Variants in PTPRD observed in about 807,000 individuals in gnomAD.
The protein encoded by PTPRD is receptor-type tyrosine-protein phosphatase delta.
In PTPRD, 34 loss-of-function variants were observed where a neutral mutation model predicts 214.5. That is an observed-to-expected ratio of 0.16 (90% CI 0.12 to 0.21). The LOEUF (loss-of-function observed/expected upper bound fraction) is 0.21. PTPRD is among the 10% of genes least tolerant of loss of function. The pLI, the probability that PTPRD is intolerant of heterozygous loss-of-function variation, is 1.00. For synonymous variants in PTPRD, 1,128 were observed against 845.7 expected (o/e 1.33, Z -5.79); for missense variants, 2,545 against 2,398.7 (o/e 1.06, Z -1.27).
chr9:8,666,583 T>C (rs1199496640), intron 12 of PTPRD, among the ~76,000 whole-genome samples: 1 of 152,196 alleles, frequency 6.6e-6, no homozygotes, highest in Non-Finnish European at 1.5e-5. Flanking sequence ...TTTTTCTCAA[T>C]ATCTAAAAAT....
chr9:10,035,436 A>G (rs1324547567), intron 3 of PTPRD, among the ~76,000 whole-genome samples: 1 of 151,984 alleles, frequency 6.6e-6, no homozygotes, highest in Non-Finnish European at 1.5e-5. Flanking sequence ...CTGTAGTTTA[A>G]TTTGATCTCA....
At chr9:9,392,963 G>A (rs1333869138) in intron 9 of PTPRD, among the ~76,000 whole-genome samples, 2 of 152,152 alleles carry the variant, frequency 1.3e-5, no homozygotes, top group Admixed American at 6.6e-5. Context: ...TGGAGCCATG[G>A]AAATTCCTGT....
chr9:9,470,860 A>T (rs2094538687), intron 8 of PTPRD, among the ~76,000 whole-genome samples: 1 of 152,200 alleles, frequency 6.6e-6, no homozygotes, highest in Non-Finnish European at 1.5e-5. Flanking sequence ...GAGGTTTAAA[A>T]TCAGGCAAGA....
chr9:9,166,456 G>A (rs1405161692), intron 10 of PTPRD, among the ~76,000 whole-genome samples: 1 of 152,030 alleles, frequency 6.6e-6, no homozygotes, highest in East Asian at 1.9e-4. Flanking sequence ...TCCCCCAGCT[G>A]ACCTGTGTGC....
At chr9:9,432,317 T>C (rs2143257443) in intron 8 of PTPRD, among the ~76,000 whole-genome samples, 1 of 152,226 alleles carries the variant, frequency 6.6e-6, no homozygotes, top group East Asian at 1.9e-4. Context: ...CAGTCTTAAT[T>C]GGCAGACTGT....
intron 14 of PTPRD, among the ~76,000 whole-genome samples, chr9:8,588,030 G>C (rs897006615): frequency 3.9e-5 from 6 of 152,206 alleles, no homozygotes; most frequent in Admixed American, 2.6e-4. Context: ...AACACATGCA[G>C]CTCCCCCGTG....
chr9:8,452,763 G>A (rs1173172688), intron 33 of PTPRD, among the ~76,000 whole-genome samples: 1 of 152,148 alleles, frequency 6.6e-6, no homozygotes, highest in African/African-American at 2.4e-5. Flanking sequence ...TGTTTGGGAT[G>A]TGGGTAATAC....
At chr9:9,613,130 A>T (rs1204158804) in intron 7 of PTPRD, among the ~76,000 whole-genome samples, 2 of 43,770 alleles carry the variant, frequency 4.6e-5, no homozygotes, top group Admixed American at 4.6e-4. Context: ...CAGTATACAT[A>T]CATACATATA....
At chr9:8,899,312 G>A (rs888067518) in intron 11 of PTPRD, among the ~76,000 whole-genome samples, 1 of 152,146 alleles carries the variant, frequency 6.6e-6, no homozygotes, top group Non-Finnish European at 1.5e-5. Flanking sequence ...ACAAAAGTGA[G>A]TTGAACATAA....
At chr9:8,526,202 G>C (rs568478488) in intron 17 of PTPRD, among the ~76,000 whole-genome samples, 51 of 125,998 alleles carry the variant, frequency 4.0e-4, no homozygotes, top group African/African-American at 1.4e-3. Flanking sequence ...TCCAGAACAA[G>C]AACAGCTAAG....
intron 5 of PTPRD, among the ~76,000 whole-genome samples, chr9:9,932,713 G>C (rs1168731313): frequency 1.9e-5 from 2 of 105,634 alleles, no homozygotes; most frequent in African/African-American, 4.0e-5. Flanking sequence ...TTCAGATTCA[G>C]GAAATACAGA....
At chr9:8,852,334 C>G (rs936386725) in intron 11 of PTPRD, among the ~76,000 whole-genome samples, 3 of 152,186 alleles carry the variant, frequency 2.0e-5, no homozygotes, top group African/African-American at 7.2e-5. Context: ...AGAGTTAAAT[C>G]TAGTAAATAG....
At chr9:8,321,946 C>T (rs1035313944) in intron 44 of PTPRD, among the ~76,000 whole-genome samples, 2 of 152,020 alleles carry the variant, frequency 1.3e-5, no homozygotes, top group African/African-American at 4.8e-5. Context: ...TGGTTTGTGT[C>T]TCTGTGTAGC....
At chr9:9,345,362 G>GT (rs1196204084) in intron 9 of PTPRD, among the ~76,000 whole-genome samples, 5 of 151,932 alleles carry the variant, frequency 3.3e-5, no homozygotes, top group Admixed American at 1.3e-4. Context: ...GTTAAAGTAG[G>GT]TTTTTTTGAT....
At chr9:9,086,168 T>C (rs1436860519) in intron 10 of PTPRD, among the ~76,000 whole-genome samples, 1 of 152,222 alleles carries the variant, frequency 6.6e-6, no homozygotes, top group East Asian at 1.9e-4. Context: ...GTGACCTCTA[T>C]ACATTTTTCA....
intron 8 of PTPRD, among the ~76,000 whole-genome samples, chr9:9,460,436 A>G (rs1185567393): frequency 5.9e-5 from 9 of 152,036 alleles, no homozygotes; most frequent in African/African-American, 2.2e-4. Flanking sequence ...CTAACCATCC[A>G]AAAAAGAACT....
intron 39 of PTPRD, among the ~76,000 whole-genome samples, chr9:8,375,208 G>C (rs941793370): frequency 1.3e-4 from 19 of 151,914 alleles, no homozygotes; most frequent in Admixed American, 3.9e-4. Flanking sequence ...TGATACTTAA[G>C]AGGCACTCAA....
At chr9:9,415,432 C>G (rs1205776596) in intron 8 of PTPRD, among the ~76,000 whole-genome samples, 1 of 152,066 alleles carries the variant, frequency 6.6e-6, no homozygotes, top group Non-Finnish European at 1.5e-5. Context: ...CAAGAATGCG[C>G]CACTGCACTC....
chr9:8,378,676 C>G lies in PTPRD; in HGVS notation c.4387-1950G>C, dbSNP rs375283437. Among the ~76,000 whole-genome samples the G allele has an allele frequency of 4.1e-4, 63 of 152,154 alleles. 3 individuals carry two copies. In the South Asian group the frequency reaches 0.013, roughly 32 times the overall value. On this transcript the variant is annotated intron_variant, in intron 37 of 45. Coordinates refer to ENST00000381196, the MANE Select transcript of PTPRD (RefSeq NM_002839.4). ...ATGAAATCCCTAAGGACAAATATCACTATGATATGCACAAAAACAGCACAT... is the reference window on the plus strand; with the variant it reads ...ATGAAATCCCTAAGGACAAATATCAGTATGATATGCACAAAAACAGCACAT...
Sources: gnomAD v4.1 joint callset for allele counts (sites outside exome capture counted in the v4.1 genomes callset) on GRCh38, gnomAD v4.1.1 for gene constraint, MANE v1.5 for transcripts, NCBI Gene and HGNC (gene_info 2026-07-23, HGNC 2026-07-21) for gene names.